Variants in NRGN observed in about 807,000 individuals in gnomAD.
NRGN encodes neurogranin.
For synonymous variants in NRGN, 47 were observed against 52.8 expected (o/e 0.89, Z 0.47); for missense variants, 82 against 123.0 (o/e 0.67, Z 1.58).
Position 124,745,767 on chromosome 11 carries a change from T to G in NRGN, c.*5+38T>G. On this transcript the variant is annotated intron_variant, in intron 2 of 3. Coordinates refer to ENST00000284292, the MANE Select transcript of NRGN (RefSeq NM_006176.3). This position sits in a 1 kb window ranked among gnomAD's most constrained non-coding sequence, Gnocchi z 6.4. ...GCGCGCGGCTGGCTGACAGCTGCCCTTCCCCAGCCCTCCCCAGGAGCAGGG... is the reference window on the plus strand; with the variant it reads ...GCGCGCGGCTGGCTGACAGCTGCCCGTCCCCAGCCCTCCCCAGGAGCAGGG... The G allele has an allele frequency of 2.7e-6, 3 of 1,114,280 alleles. No individual in the cohort carries two copies. The highest frequency in any genetic ancestry group is 3.5e-6 in the Non-Finnish European group (3 of 853,906). 69.0% of individuals were successfully genotyped at this position (1,114,280 alleles called of 1,614,324 possible). A position where few individuals can be genotyped will look rare whatever the true frequency, so the allele number is the denominator to read the frequency against.
At position 124,740,156 on chromosome 11, in the gene NRGN, T is replaced by C; in HGVS notation, c.15+57T>C. On this transcript the variant is annotated intron_variant, in intron 1 of 3. Coordinates refer to ENST00000284292, the MANE Select transcript of NRGN (RefSeq NM_006176.3). This position sits in a 1 kb window ranked among gnomAD's most constrained non-coding sequence, Gnocchi z 7.5. ...GGCGGGGTCCGCTGCGAGAGGCGCC[T>C]GAGAAAGCCCTGGAGGGCGAGAGAG... The C allele has an allele frequency of 8.0e-7, 1 of 1,253,060 alleles. No homozygotes were observed. The allele number at this position is 1,253,060 out of a possible 1,614,324, so 77.6% of individuals were successfully genotyped here.
intron 1 of NRGN, chr11:124,744,761 A>G (rs982310572): frequency 2.0e-5 from 3 of 152,178 alleles, no homozygotes; most frequent in African/African-American, 7.2e-5. Context: ...CTTCCTCATA[A>G]GCACACCCTG....
rs1438607408 is a variant in NRGN at position 124,739,958 on chromosome 11, C to T, written c.-127C>T. 1 of 463,380 alleles carries T rather than the reference C, an allele frequency of 2.2e-6. No homozygotes were observed. The highest frequency in any genetic ancestry group is 3.8e-6 in the Non-Finnish European group (1 of 261,338). The allele number at this position is 463,380 out of a possible 1,614,324, so 28.7% of individuals were successfully genotyped here. A position where few individuals can be genotyped will look rare whatever the true frequency, so the allele number is the denominator to read the frequency against. On this transcript the variant is annotated 5_prime_UTR_variant, in exon 1 of 4. Coordinates refer to ENST00000284292, the MANE Select transcript of NRGN (RefSeq NM_006176.3). Reference sequence around the variant, plus strand: ...GAGCGCGGGAGACCGGACCCGAGAGCAGAGCTGCTGTTTCGGCGCGGGTCG... The same window carrying T: ...GAGCGCGGGAGACCGGACCCGAGAGTAGAGCTGCTGTTTCGGCGCGGGTCG...
rs924753934 is a variant in NRGN, at chr11:124,740,014, C to T, written c.-71C>T. 25 of 768,036 alleles carry T rather than the reference C, an allele frequency of 3.3e-5. No individual in the cohort carries two copies. The highest frequency in any genetic ancestry group is 4.1e-5 in the Admixed American group (1 of 24,378). 47.6% of individuals were successfully genotyped at this position (768,036 alleles called of 1,614,324 possible). On this transcript the variant is annotated 5_prime_UTR_variant, in exon 1 of 4. Coordinates refer to ENST00000284292, the MANE Select transcript of NRGN (RefSeq NM_006176.3). The surrounding 1 kb of genome is among the most constrained non-coding windows in gnomAD (Gnocchi z 7.5). ...CGGCCGACTGCCCCAGAGCCCCCACCCGGCACCACACAGACCCCACCCCCG... is the reference window on the plus strand; with the variant it reads ...CGGCCGACTGCCCCAGAGCCCCCACTCGGCACCACACAGACCCCACCCCCG...
At chr11:124,742,305 C>G (rs1444297357) in intron 1 of NRGN, among the ~76,000 whole-genome samples, 1 of 152,092 alleles carries the variant, frequency 6.6e-6, no homozygotes, top group African/African-American at 2.4e-5. Flanking sequence ...GATTCTGGAG[C>G]TCTCCTCACT....
At position 124,740,133 on chromosome 11, in the gene NRGN, C is replaced by T. The variant is rs1275336059; in HGVS notation, c.15+34C>T. 3 of 1,315,722 alleles carry T rather than the reference C, an allele frequency of 2.3e-6. No homozygotes were observed. Among genetic ancestry groups the T allele is most frequent in the Admixed American group, 3.4e-5 (1 of 29,096 alleles). 81.5% of individuals were successfully genotyped at this position (1,315,722 alleles called of 1,614,324 possible). On this transcript the variant is annotated intron_variant, in intron 1 of 3. Coordinates refer to ENST00000284292, the MANE Select transcript of NRGN (RefSeq NM_006176.3). The surrounding 1 kb of genome is among the most constrained non-coding windows in gnomAD (Gnocchi z 7.5). ...GAGGGCCCGGGGGAGGGGCACTTGG[C>T]GGGGTCCGCTGCGAGAGGCGCCTGA...
chr11:124,740,035 C>T lies in NRGN; in HGVS notation c.-50C>T, dbSNP rs1206794083. 1.1e-5 allele frequency: 13 copies of T among 1,184,392 alleles called. No homozygotes were observed. Among genetic ancestry groups the T allele is most frequent in the Non-Finnish European group, 1.2e-5 (11 of 912,742 alleles). The allele number at this position is 1,184,392 out of a possible 1,614,324, so 73.4% of individuals were successfully genotyped here. ...CCACCCGGCACCACACAGACCCCAC[C>T]CCCGCCCTGCGCCAGCCTTCGTCCC... On this transcript the variant is annotated 5_prime_UTR_variant, in exon 1 of 4. Transcript: ENST00000284292. The surrounding 1 kb of genome is among the most constrained non-coding windows in gnomAD (Gnocchi z 7.5).
chr11:124,741,353 G>A (rs1943964118), intron 1 of NRGN, among the ~76,000 whole-genome samples: 1 of 152,092 alleles, frequency 6.6e-6, no homozygotes, highest in Admixed American at 6.5e-5. Context: ...TGTCTTCTTC[G>A]AAGAGCTGTG....
chr11:124,739,983 G>A lies in NRGN; in HGVS notation c.-102G>A, dbSNP rs1591420613. Reference sequence around the variant, plus strand: ...CAGAGCTGCTGTTTCGGCGCGGGTCGGCTGGCGGCCGACTGCCCCAGAGCC... The same window carrying A: ...CAGAGCTGCTGTTTCGGCGCGGGTCAGCTGGCGGCCGACTGCCCCAGAGCC... On this transcript the variant is annotated 5_prime_UTR_variant, in exon 1 of 4. Transcript: ENST00000284292. The A allele has an allele frequency of 1.9e-6, 1 of 514,170 alleles. No homozygotes were observed. The highest frequency in any genetic ancestry group is 3.3e-6 in the Non-Finnish European group (1 of 303,792). 31.9% of individuals were successfully genotyped at this position (514,170 alleles called of 1,614,324 possible).
rs1943991057 is a variant in NRGN at position 124,744,234 on chromosome 11, A to G, written c.16-1269A>G. Among the ~76,000 whole-genome samples the G allele has an allele frequency of 2.0e-5, 3 of 152,368 alleles. No homozygotes were observed. In the South Asian group the frequency reaches 6.2e-4, roughly 32 times the overall value. On this transcript the variant is annotated intron_variant, in intron 1 of 3. Transcript: ENST00000284292. ...ATTATATGACCACTTTTGGCCTACA[A>G]AAATGACTATTTCACATTAACTTAA... is the stretch of plus-strand genomic sequence containing the variant.
In NRGN at chr11:124,740,533, T is replaced by A. The variant is rs765166208; in HGVS notation, c.15+434T>A. Among the ~76,000 whole-genome samples the A allele has an allele frequency of 6.6e-6, 1 of 152,218 alleles. No individual in the cohort carries two copies. The highest frequency in any genetic ancestry group is 1.5e-5 in the Non-Finnish European group (1 of 68,022). On this transcript the variant is annotated intron_variant, in intron 1 of 3. Transcript: ENST00000284292. The surrounding 1 kb of genome is among the most constrained non-coding windows in gnomAD (Gnocchi z 7.5). ...CGCCGTCGGTGGGCGGACAGGCTGA[T>A]CCTCATGACCCTCCAACGATCGCCT... is the stretch of plus-strand genomic sequence containing the variant.
intron 1 of NRGN, among the ~76,000 whole-genome samples, chr11:124,743,355 C>CT (rs1210946705): frequency 2.0e-5 from 3 of 152,180 alleles, no homozygotes; most frequent in African/African-American, 7.2e-5. Flanking sequence ...GTCAGGAATG[C>CT]TTTTTTATGG....
Position 124,740,734 on chromosome 11 carries a change from G to A in NRGN, c.15+635G>A, listed in dbSNP as rs1943960155. Among the ~76,000 whole-genome samples the A allele has an allele frequency of 6.6e-6, 1 of 152,254 alleles. No homozygotes were observed. The highest frequency in any genetic ancestry group is 2.4e-5 in the African/African-American group (1 of 41,470). On this transcript the variant is annotated intron_variant, in intron 1 of 3. Transcript: ENST00000284292. The surrounding 1 kb of genome is among the most constrained non-coding windows in gnomAD (Gnocchi z 7.5). ...AGAGCCCTGCTGGCGAGGAAAGGAA[G>A]TGTCTGCAATTTGTCAGCGCCCACG... is the stretch of plus-strand genomic sequence containing the variant.
At chr11:124,743,089 C>G (rs1231558443) in intron 1 of NRGN, among the ~76,000 whole-genome samples, 2 of 152,232 alleles carry the variant, frequency 1.3e-5, no homozygotes, top group Non-Finnish European at 2.9e-5. Flanking sequence ...CTTTCAATCT[C>G]CTTCCACTTC....
At chr11:124,742,932 A>C (rs12293621) in intron 1 of NRGN, among the ~76,000 whole-genome samples, 51,789 of 151,578 alleles carry the variant, frequency 0.34, 10,804 homozygotes, top group African/African-American at 0.6. Context: ...GAAGGCTTGG[A>C]CCCCACTTTG....
intron 1 of NRGN, chr11:124,744,970 CT>C (rs1463219112): frequency 6.6e-6 from 1 of 152,520 alleles, no homozygotes; most frequent in Non-Finnish European, 1.5e-5. Context: ...GGGAGGCTGG[CT>C]CACTGACTAG....
chr11:124,742,021 T>G lies in NRGN; in HGVS notation c.15+1922T>G, dbSNP rs116653552. On this transcript the variant is annotated intron_variant, in intron 1 of 3. Transcript: ENST00000284292. ...CCAGGGCCTGGGGCACCTCCTCCAG[T>G]GCACCCTGTGCACAGGAGCCTTCCC... 6.6e-3 allele frequency among the ~76,000 whole-genome samples: 1,005 copies of G among 152,264 alleles called. 12 individuals are homozygous for G. Among genetic ancestry groups the G allele is most frequent in the African/African-American group, 0.023 (939 of 41,556 alleles).
rs1943998009 is a variant in NRGN at position 124,745,131 on chromosome 11, G to T, written c.16-372G>T. On this transcript the variant is annotated intron_variant, in intron 1 of 3. Coordinates refer to ENST00000284292, the MANE Select transcript of NRGN (RefSeq NM_006176.3). This position sits in a 1 kb window ranked among gnomAD's most constrained non-coding sequence, Gnocchi z 6.4. ...AGCTGGAGGTACCCTCTGAGAGCAG[G>T]GGGACAGGCGGCCACTCCAGGAGTG... Among the ~76,000 whole-genome samples, 3 of 152,092 alleles carry T rather than the reference G, an allele frequency of 2.0e-5. No individual in the cohort carries two copies. Among genetic ancestry groups the T allele is most frequent in the Admixed American group, 2.0e-4 (3 of 15,266 alleles).
rs995622332 is a variant in NRGN at position 124,740,136 on chromosome 11, G to A, written c.15+37G>A. On this transcript the variant is annotated intron_variant, in intron 1 of 3. Coordinates refer to ENST00000284292, the MANE Select transcript of NRGN (RefSeq NM_006176.3). This position sits in a 1 kb window ranked among gnomAD's most constrained non-coding sequence, Gnocchi z 7.5. ...GGCCCGGGGGAGGGGCACTTGGCGG[G>A]GTCCGCTGCGAGAGGCGCCTGAGAA... is the stretch of plus-strand genomic sequence containing the variant. 6.1e-6 allele frequency: 8 copies of A among 1,313,442 alleles called. No homozygotes were observed. Among genetic ancestry groups the A allele is most frequent in the African/African-American group, 3.0e-5 (2 of 66,144 alleles). The allele number at this position is 1,313,442 out of a possible 1,614,324, so 81.4% of individuals were successfully genotyped here.
Sources: gnomAD v4.1 joint callset for allele counts (sites outside exome capture counted in the v4.1 genomes callset) on GRCh38, gnomAD v4.1.1 for gene constraint, Gnocchi (gnomAD v3.1) non-coding constraint, MANE v1.5 for transcripts, NCBI Gene and HGNC (gene_info 2026-07-23, HGNC 2026-07-21) for gene names.